LRRC7: variants seen among roughly 807,000 people sequenced by gnomAD.
The protein encoded by LRRC7 is leucine-rich repeat-containing protein 7.
In LRRC7, 23 loss-of-function variants were observed where a neutral mutation model predicts 175.7. That is an observed-to-expected ratio of 0.13 (90% CI 0.09 to 0.19). The LOEUF is 0.19. LRRC7 is among the 10% of genes least tolerant of loss of function. LRRC7 has a pLI of 1.00. For synonymous variants in LRRC7, 685 were observed against 680.9 expected, an observed-to-expected ratio of 1.01 and a Z score of -0.09; for missense variants, 1,354 against 1,904.7, an observed-to-expected ratio of 0.71 and a Z score of 5.38.
chr1:69,978,175 C>T (rs1240889254), intron 8 of LRRC7, among the ~76,000 whole-genome samples: 6 of 152,062 alleles, frequency 3.9e-5, no homozygotes, highest in Non-Finnish European at 7.4e-5. Flanking sequence ...GCCTGTGCCT[C>T]GGGAGGCCGA....
At chr1:70,018,941 A>G in intron 15 of LRRC7, 123 bp downstream of exon 15, 2 of 609,880 alleles carry the variant, frequency 3.3e-6, no homozygotes, top group Non-Finnish European at 5.7e-6. Context: ...TAATTACATG[A>G]CACACAAATA....
chr1:69,602,560 T>C (rs1647120822), intron 1 of LRRC7, among the ~76,000 whole-genome samples: 1 of 151,152 alleles, frequency 6.6e-6, no homozygotes, highest in Non-Finnish European at 1.5e-5. Context: ...GCTATCATGG[T>C]ATTTAGTTTT....
Position 69,760,260 on chromosome 1 carries a change from G to T in LRRC7, c.170G>T (p.Gly57Val), listed in dbSNP as rs1670895674. The change falls in exon 3 of 27, where the codon GGT (glycine) becomes GTT (valine). Residue 57 changes from glycine to valine, a missense_variant. Transcript: ENST00000651989. ...CTGGTGCCATGCCGATGTTTCCGAG[G>T]TGAAGAAGAAATCATCTCAGTTTTA... Reference protein sequence around the residue: ...GRLVPCRCFRGEEEIISVLDY... With the variant: ...GRLVPCRCFRVEEEIISVLDY... 1 of 1,612,704 alleles carries T rather than the reference G, an allele frequency of 6.2e-7. No homozygotes were observed. The highest frequency in any genetic ancestry group is 8.5e-7 in the Non-Finnish European group (1 of 1,179,322).
intron 8 of LRRC7, among the ~76,000 whole-genome samples, chr1:69,947,711 A>G (rs1246187027): frequency 1.3e-5 from 2 of 152,118 alleles, no homozygotes; most frequent in Non-Finnish European, 2.9e-5. Context: ...CTTTATCTGC[A>G]GAGGATATGC....
In LRRC7 at chr1:70,126,286, T is replaced by C. The variant is rs1666452646; in HGVS notation, c.*4399T>C. The stretch of plus-strand genomic sequence containing the variant: ...CCAAACAGCAAGTTTATTGGCACAC[T>C]GGGTCAATAAAAAGTTATGCAAATA... On this transcript the variant is annotated 3_prime_UTR_variant, in exon 27 of 27. Transcript: ENST00000651989. 6.6e-6 allele frequency among the ~76,000 whole-genome samples: 1 copy of C among 152,022 alleles called. No individual in the cohort carries two copies. Among genetic ancestry groups the C allele is most frequent in the African/African-American group, 2.4e-5 (1 of 41,370 alleles).
chr1:69,619,482 A>G (rs1650216884), intron 1 of LRRC7, among the ~76,000 whole-genome samples: 1 of 152,200 alleles, frequency 6.6e-6, no homozygotes, highest in Admixed American at 6.5e-5. Flanking sequence ...ACTGCTGCAC[A>G]CAAAAGTACA....
chr1:70,014,619 G>A lies in LRRC7; in HGVS notation c.1250+1530G>A, dbSNP rs1207999151. 4.6e-5 allele frequency among the ~76,000 whole-genome samples: 7 copies of A among 152,092 alleles called. No homozygotes were observed. The East Asian group carries it at 7.7e-4, about 17-fold the overall frequency. ...AATATTCAGCTAAAGTTAGGCCAAA[G>A]TTAAATATTACCACCAGAGAAGGAA... On this transcript the variant is annotated intron_variant, in intron 13 of 26. Coordinates refer to ENST00000651989, the MANE Select transcript of LRRC7 (RefSeq NM_001370785.2).
chr1:69,812,013 T>C (rs1677948754), intron 4 of LRRC7, among the ~76,000 whole-genome samples: 1 of 152,156 alleles, frequency 6.6e-6, no homozygotes, highest in East Asian at 1.9e-4. Context: ...CTTTGTTACC[T>C]GAGCATAACA....
At chr1:69,930,129 G>A (rs572588188) in intron 7 of LRRC7, among the ~76,000 whole-genome samples, 17 of 152,036 alleles carry the variant, frequency 1.1e-4, no homozygotes, top group African/African-American at 4.1e-4. Flanking sequence ...CTTTTAATAT[G>A]TTATTTTATT....
chr1:69,923,110 T>C (rs1398769338), intron 7 of LRRC7, among the ~76,000 whole-genome samples: 3 of 152,142 alleles, frequency 2.0e-5, no homozygotes, highest in African/African-American at 7.2e-5. Flanking sequence ...GAATGATGAT[T>C]TCCAATTTCA....
intron 1 of LRRC7, among the ~76,000 whole-genome samples, chr1:69,624,350 CAT>C (rs1375623229): frequency 1.3e-5 from 2 of 152,008 alleles, no homozygotes; most frequent in African/African-American, 4.8e-5. Context: ...TAAAGATGCA[CAT>C]ATATATATGT....
intron 24 of LRRC7, among the ~76,000 whole-genome samples, chr1:70,085,460 G>T (rs1169934841): frequency 6.6e-6 from 1 of 152,068 alleles, no homozygotes; most frequent in African/African-American, 2.4e-5. Flanking sequence ...TTTATTTTTG[G>T]AGTCTCTATT....
chr1:69,701,265 A>G (rs1351801576), intron 2 of LRRC7, among the ~76,000 whole-genome samples: 2 of 152,152 alleles, frequency 1.3e-5, no homozygotes, highest in East Asian at 3.9e-4. Flanking sequence ...GGCTCATTGA[A>G]GTAAATGAGT....
At chr1:69,576,016 G>C (rs1242448688) in intron 1 of LRRC7, among the ~76,000 whole-genome samples, 1 of 151,842 alleles carries the variant, frequency 6.6e-6, no homozygotes, top group Non-Finnish European at 1.5e-5. Context: ...GTGATTGTTT[G>C]AGTTCAGGAG....
chr1:70,058,817 G>C (rs1172638638), intron 23 of LRRC7, among the ~76,000 whole-genome samples: 1 of 152,138 alleles, frequency 6.6e-6, no homozygotes, highest in African/African-American at 2.4e-5. Context: ...GCAAAAACAT[G>C]TTATTTTAAA....
rs1232677949 is a variant in LRRC7 at position 70,128,124 on chromosome 1, G to T, written c.*6237G>T. Among the ~76,000 whole-genome samples the T allele has an allele frequency of 6.6e-6, 1 of 152,032 alleles. No individual in the cohort carries two copies. The highest frequency in any genetic ancestry group is 2.4e-5 in the African/African-American group (1 of 41,388). ...TTACAGGTGCGTGCCACCACACTGG[G>T]CTAATTTTTGTATTTTTAGTAGGGA... On this transcript the variant is annotated 3_prime_UTR_variant, in exon 27 of 27. Coordinates refer to ENST00000651989, the MANE Select transcript of LRRC7 (RefSeq NM_001370785.2).
At chr1:69,653,916 A>G (rs1042512701) in intron 1 of LRRC7, among the ~76,000 whole-genome samples, 3 of 152,068 alleles carry the variant, frequency 2.0e-5, no homozygotes, top group Non-Finnish European at 2.9e-5. Context: ...AGTCAAACAC[A>G]TAGAAACAGA....
At chr1:70,072,136 C>A (rs374667599) in intron 23 of LRRC7, among the ~76,000 whole-genome samples, 15 of 152,158 alleles carry the variant, frequency 9.9e-5, no homozygotes, top group African/African-American at 3.4e-4. Context: ...CATCACTATT[C>A]TCCTCAAATA....
At chr1:69,677,214 A>G (rs553897445) in intron 1 of LRRC7, among the ~76,000 whole-genome samples, 2 of 142,844 alleles carry the variant, frequency 1.4e-5, no homozygotes, top group East Asian at 3.9e-4. Flanking sequence ...ACATCTATAT[A>G]TATAATATAT....
Sources: allele counts gnomAD v4.1 joint callset (sites outside exome capture counted in the v4.1 genomes callset), GRCh38; gene constraint gnomAD v4.1.1; transcripts MANE v1.5; gene names NCBI Gene and HGNC (gene_info 2026-07-23, HGNC 2026-07-21).